The following ERC2 variants were observed in gnomAD, a reference collection of about 807,000 sequenced individuals.
ERC2 encodes the protein ELKS/RAB6-interacting/CAST family member 2, also known as ERC protein 2.
In ERC2, 42 loss-of-function variants were observed where a neutral mutation model predicts 114.8. The observed-to-expected ratio is 0.37, with a 90% CI of 0.29 to 0.47. ERC2 has a LOEUF of 0.47. Among genes scored for constraint, ERC2 ranks in the 20% least tolerant of loss-of-function variants. The probability of loss-of-function intolerance (pLI) is 0.99; values close to 1 mark genes in which losing one functional copy is unlikely to be tolerated. For missense variants in ERC2, 939 were observed against 1,150.7 expected (o/e 0.82, Z 2.66); for synonymous variants, 454 against 425.5 (o/e 1.07, Z -0.82).
At chr3:55,628,028 A>G (rs573217882) in intron 17 of ERC2, among the ~76,000 whole-genome samples, 2 of 151,848 alleles carry the variant, frequency 1.3e-5, no homozygotes, top group South Asian at 4.2e-4. Context: ...AGAAAATTGT[A>G]TCTAATTTTT....
At chr3:56,303,660 C>T (rs769522407) in intron 2 of ERC2, among the ~76,000 whole-genome samples, 2 of 152,202 alleles carry the variant, frequency 1.3e-5, no homozygotes, top group Non-Finnish European at 2.9e-5. Flanking sequence ...GTCTCTCTTC[C>T]TCTTCTTATA....
chr3:55,668,121 T>G (rs2061424898), intron 17 of ERC2, among the ~76,000 whole-genome samples: 1 of 152,012 alleles, frequency 6.6e-6, no homozygotes, highest in Non-Finnish European at 1.5e-5. Flanking sequence ...GCATAATAAA[T>G]TTTATATATA....
intron 3 of ERC2, among the ~76,000 whole-genome samples, chr3:56,288,030 G>A (rs1035164352): frequency 2.6e-5 from 4 of 152,144 alleles, no homozygotes; most frequent in Admixed American, 1.3e-4. Flanking sequence ...AGTTAAAACG[G>A]AATGTGTTTT....
intron 2 of ERC2, among the ~76,000 whole-genome samples, chr3:56,393,970 G>A (rs2060217017): frequency 6.6e-6 from 1 of 151,480 alleles, no homozygotes; most frequent in African/African-American, 2.4e-5. Context: ...ATTCTCTTTT[G>A]CTCCCCTGCA....
intron 17 of ERC2, among the ~76,000 whole-genome samples, chr3:55,635,137 C>T (rs1369454054): frequency 6.6e-6 from 1 of 152,098 alleles, no homozygotes; most frequent in Non-Finnish European, 1.5e-5. Flanking sequence ...CCTGCCTCAG[C>T]CTACCAAAGT....
chr3:56,225,251 A>T (rs901987520), intron 3 of ERC2, among the ~76,000 whole-genome samples: 1 of 152,118 alleles, frequency 6.6e-6, no homozygotes, highest in Non-Finnish European at 1.5e-5. Flanking sequence ...AAATGAAAAA[A>T]GGGGGAAAAA....
intron 17 of ERC2, among the ~76,000 whole-genome samples, chr3:55,527,321 G>A (rs887472386): frequency 6.6e-6 from 1 of 152,174 alleles, no homozygotes; most frequent in South Asian, 2.1e-4. Flanking sequence ...GCTTAGTGGG[G>A]GGCCTCACAG....
chr3:56,199,415 G>A (rs1219669053), intron 3 of ERC2, among the ~76,000 whole-genome samples: 1 of 152,082 alleles, frequency 6.6e-6, no homozygotes, highest in East Asian at 1.9e-4. Context: ...AACAAGGGGA[G>A]TGGTAATTAA....
chr3:56,416,242 C>G (rs1273023301), intron 2 of ERC2, among the ~76,000 whole-genome samples: 1 of 152,092 alleles, frequency 6.6e-6, no homozygotes, highest in African/African-American at 2.4e-5. Context: ...GTCTCTTTAT[C>G]TGGACCTTCT....
chr3:55,508,817 C>T lies in ERC2; in HGVS notation c.*2499G>A, dbSNP rs2051912593. 6.6e-6 allele frequency: 1 copy of T among 152,454 alleles called. No homozygotes were observed. Among genetic ancestry groups the T allele is most frequent in the Admixed American group, 6.6e-5 (1 of 15,244 alleles). The allele number at this position is 152,454 out of a possible 1,614,324, so 9.4% of individuals were successfully genotyped here. ...CAAAATTGAGACTGTACATCGAAATCAAATGGGGTATAAAGCACAAGCCTG... is the reference window on the plus strand; with the variant it reads ...CAAAATTGAGACTGTACATCGAAATTAAATGGGGTATAAAGCACAAGCCTG... On this transcript the variant is annotated 3_prime_UTR_variant, in exon 18 of 18. Transcript: ENST00000288221.
chr3:55,712,469 T>C (rs751296690), intron 15 of ERC2, among the ~76,000 whole-genome samples: 30 of 152,208 alleles, frequency 2.0e-4, no homozygotes, highest in Non-Finnish European at 4.0e-4. Context: ...ATGTTAGCAG[T>C]TGATATGGGG....
chr3:55,572,071 G>A (rs550653171), intron 17 of ERC2, among the ~76,000 whole-genome samples: 40 of 152,328 alleles, frequency 2.6e-4, no homozygotes, highest in African/African-American at 9.4e-4. Context: ...CAAGACTGAC[G>A]GCGTTCCTGA....
At chr3:56,014,857 A>G (rs1281288929) in intron 8 of ERC2, among the ~76,000 whole-genome samples, 1 of 152,230 alleles carries the variant, frequency 6.6e-6, no homozygotes, top group Non-Finnish European at 1.5e-5. Context: ...TTGAACAAAC[A>G]TCCCCTCATT....
At chr3:55,608,923 C>A (rs956580015) in intron 17 of ERC2, among the ~76,000 whole-genome samples, 2 of 152,172 alleles carry the variant, frequency 1.3e-5, no homozygotes, top group Non-Finnish European at 1.5e-5. Flanking sequence ...GGTCTAGATT[C>A]TTTGAGACTT....
At chr3:56,106,606 A>AT (rs967545308) in intron 6 of ERC2, among the ~76,000 whole-genome samples, 5 of 152,092 alleles carry the variant, frequency 3.3e-5, no homozygotes, top group Non-Finnish European at 5.9e-5. Flanking sequence ...TTACTTATTT[A>AT]TTTTTTTAAA....
intron 6 of ERC2, among the ~76,000 whole-genome samples, chr3:56,095,198 C>T (rs1053789409): frequency 1.3e-5 from 2 of 151,952 alleles, no homozygotes; most frequent in Non-Finnish European, 2.9e-5. Context: ...CCACTGCTCT[C>T]CAGCCTATGC....
At chr3:56,139,412 G>A in intron 6 of ERC2, 97 bp downstream of exon 6, 1 of 1,214,424 alleles carries the variant, frequency 8.2e-7, no homozygotes, top group Non-Finnish European at 1.1e-6. Context: ...GGCCCCAAGG[G>A]TTAGGATAAA....
intron 14 of ERC2, among the ~76,000 whole-genome samples, chr3:55,884,226 T>A (rs1216772654): frequency 6.6e-6 from 1 of 152,204 alleles, no homozygotes; most frequent in Admixed American, 6.5e-5. Flanking sequence ...GATGTAAACC[T>A]ATATGACAGT....
chr3:56,006,073 C>A (rs2072466800), intron 10 of ERC2, among the ~76,000 whole-genome samples: 1 of 151,888 alleles, frequency 6.6e-6, no homozygotes, highest in African/African-American at 2.4e-5. Flanking sequence ...TAGAGATTTT[C>A]TTGCTGTTTT....
Sources: gnomAD v4.1 joint callset for allele counts (sites outside exome capture counted in the v4.1 genomes callset) on GRCh38, gnomAD v4.1.1 for gene constraint, MANE v1.5 for transcripts, NCBI Gene and HGNC (gene_info 2026-07-23, HGNC 2026-07-21) for gene names.